EPHX2: variants seen among roughly 807,000 people sequenced by gnomAD.
The protein encoded by EPHX2 is bifunctional epoxide hydrolase 2.
A neutral mutation model predicts 78.7 loss-of-function variants in EPHX2; 74 were observed. The observed-to-expected ratio is 0.94, with a 90% confidence interval of 0.78 to 1.14. EPHX2 has a LOEUF of 1.14. Ranked by LOEUF, EPHX2 falls within the 50% of genes most tolerant of loss-of-function variation. The pLI is 0.00. For missense variants in EPHX2, 715 were observed against 702.5 expected, an observed-to-expected ratio of 1.02 and a Z score of -0.20; for synonymous variants, 251 against 255.2, an observed-to-expected ratio of 0.98 and a Z score of 0.16.
At chr8:27,500,133 G>GATTACATTA (rs1224786830) in intron 1 of EPHX2, among the ~76,000 whole-genome samples, 9 of 152,322 alleles carry the variant, frequency 5.9e-5, no homozygotes, top group African/African-American at 2.2e-4. Flanking sequence ...TAATGTTGGA[G>GATTACATTA]GAGGGGGTTG....
chr8:27,492,247 G>A (rs997039447), intron 1 of EPHX2, among the ~76,000 whole-genome samples: 55 of 152,332 alleles, frequency 3.6e-4, no homozygotes, highest in African/African-American at 1.3e-3. Flanking sequence ...TGAGGGAAAG[G>A]CATGTAATCT....
intron 1 of EPHX2, among the ~76,000 whole-genome samples, chr8:27,498,986 T>G (rs934332308): frequency 6.6e-6 from 1 of 152,152 alleles, no homozygotes; most frequent in Non-Finnish European, 1.5e-5. Flanking sequence ...ATTCCAAGGT[T>G]GAGGGGTTGC....
At chr8:27,548,019 ATTCTCTCTC>A (rs1209942961), downstream of EPHX2, among the ~76,000 whole-genome samples, 10 of 152,188 alleles carry the variant, frequency 6.6e-5, no homozygotes, top group Non-Finnish European at 2.9e-5. Flanking sequence ...CAGTCTTCAT[ATTCTCTCTC>A]ACACCCTCCA....
At position 27,541,159 on chromosome 8, in the gene EPHX2, C is replaced by T. The variant is rs570759641; in HGVS notation, c.1380-314C>T. Among the ~76,000 whole-genome samples, 7 of 152,278 alleles carry T rather than the reference C, an allele frequency of 4.6e-5. No homozygotes were observed. In the East Asian group the frequency reaches 1.4e-3, roughly 29 times the overall value. On this transcript the variant is annotated intron_variant, in intron 15 of 18. Coordinates refer to ENST00000521400, the MANE Select transcript of EPHX2 (RefSeq NM_001979.6). ...CCAAGTTCCCCACCATCAGCAACCTCCCCAGCCTCCAAGGTGACACGATGA... is the reference window on the plus strand; with the variant it reads ...CCAAGTTCCCCACCATCAGCAACCTTCCCAGCCTCCAAGGTGACACGATGA...
intron 14 of EPHX2, 166 bp downstream of exon 14, chr8:27,538,858 C>A: frequency 2.9e-6 from 2 of 684,658 alleles, no homozygotes; most frequent in Admixed American, 4.6e-5. Context: ...TAACCCCAGG[C>A]CTGAGCACAC....
chr8:27,501,141 G>C lies in EPHX2; in HGVS notation c.186+131G>C, dbSNP rs549525320. 143 of 693,688 alleles carry C rather than the reference G, an allele frequency of 2.1e-4. 4 individuals are homozygous for C. Among genetic ancestry groups the C allele is most frequent in the Middle Eastern group, 1.2e-3 (3 of 2,578 alleles). The allele number at this position is 693,688 out of a possible 1,614,324, so 43.0% of individuals were successfully genotyped here. On this transcript the variant is annotated intron_variant, in intron 2 of 18. Coordinates refer to ENST00000521400, the MANE Select transcript of EPHX2 (RefSeq NM_001979.6). ...TGTGAAGACAAATGTTGTTTTAATG[G>C]TATTAATGGGAGTATTGCAGTCACC...
intron 12 of EPHX2, among the ~76,000 whole-genome samples, chr8:27,533,249 C>T (rs1039301016): frequency 1.3e-5 from 2 of 152,138 alleles, no homozygotes; most frequent in African/African-American, 2.4e-5. Flanking sequence ...ATGAGGAAAC[C>T]GAGGCTCTAG....
At position 27,515,473 on chromosome 8, in the gene EPHX2, T is replaced by C. The variant is rs1585200869; in HGVS notation, c.736-245T>C. On this transcript the variant is annotated intron_variant, in intron 6 of 18. Transcript: ENST00000521400. Reference sequence around the variant, plus strand: ...TGTGTTGTTTTGTTTTATTTTGTTTTCCAACATCATAATCTTTGCAGAATT... The same window carrying C: ...TGTGTTGTTTTGTTTTATTTTGTTTCCCAACATCATAATCTTTGCAGAATT... 1.2e-5 allele frequency: 6 copies of C among 504,572 alleles called. No individual in the cohort carries two copies. The East Asian group carries it at 2.0e-4, about 17-fold the overall frequency. 31.3% of individuals were successfully genotyped at this position (504,572 alleles called of 1,614,324 possible).
intron 15 of EPHX2, among the ~76,000 whole-genome samples, 173 bp downstream of exon 15, chr8:27,540,829 T>A (rs946148508): frequency 6.6e-6 from 1 of 152,210 alleles, no homozygotes; most frequent in African/African-American, 2.4e-5. Context: ...TTTATGGTGC[T>A]CAGCCTGCTC....
intron 6 of EPHX2, 24 bp downstream of exon 6, chr8:27,511,934 C>A (rs937151429): frequency 9.3e-6 from 15 of 1,611,034 alleles, no homozygotes; most frequent in African/African-American, 8.0e-5. Context: ...GTCTCTCAGT[C>A]GGCTAAGTGC....
At chr8:27,548,040 C>T (rs1202037865), downstream of EPHX2, among the ~76,000 whole-genome samples, 1 of 152,192 alleles carries the variant, frequency 6.6e-6, no homozygotes, top group Admixed American at 6.5e-5. Flanking sequence ...CACCCTCCAG[C>T]AGTGGGTTGT....
chr8:27,526,924 G>T (rs989121401), intron 12 of EPHX2, among the ~76,000 whole-genome samples: 1 of 151,976 alleles, frequency 6.6e-6, no homozygotes, highest in Non-Finnish European at 1.5e-5. Context: ...CTCACTTTTT[G>T]TGTGTGTATT....
intron 13 of EPHX2, 150 bp downstream of exon 13, chr8:27,537,005 G>A: frequency 1.4e-6 from 1 of 716,310 alleles, no homozygotes. Flanking sequence ...CACTCTACTG[G>A]GAAAATTTAC....
chr8:27,503,368 C>T (rs1382453179), intron 2 of EPHX2, among the ~76,000 whole-genome samples: 1 of 152,112 alleles, frequency 6.6e-6, no homozygotes, highest in Non-Finnish European at 1.5e-5. Context: ...TACAATCTAT[C>T]CATTCTGCTG....
At chr8:27,507,574 C>T (rs1250122089) in intron 5 of EPHX2, among the ~76,000 whole-genome samples, 1 of 152,170 alleles carries the variant, frequency 6.6e-6, no homozygotes, top group African/African-American at 2.4e-5. Flanking sequence ...AAGTGCAGCA[C>T]CCTCATCCTG....
chr8:27,526,385 C>T (rs1257359417), intron 12 of EPHX2, among the ~76,000 whole-genome samples: 1 of 152,256 alleles, frequency 6.6e-6, no homozygotes, highest in Non-Finnish European at 1.5e-5. Context: ...CGACATGTCG[C>T]ATCCCACATA....
At chr8:27,522,384 G>A in intron 10 of EPHX2, 39 bp from the exon 11 acceptor site, 1 of 1,605,952 alleles carries the variant, frequency 6.2e-7, no homozygotes, top group Non-Finnish European at 8.5e-7. Flanking sequence ...CGTTCCAGAA[G>A]CCTCCCCACA....
chr8:27,525,110 G>A (rs1273277216), intron 11 of EPHX2, among the ~76,000 whole-genome samples: 14 of 136,972 alleles, frequency 1.0e-4, no homozygotes, highest in Middle Eastern at 4.0e-3. Context: ...GTGTGTGTGC[G>A]CGCGCGCGCG....
At chr8:27,515,193 C>T (rs545095885) in intron 6 of EPHX2, among the ~76,000 whole-genome samples, 14 of 152,006 alleles carry the variant, frequency 9.2e-5, no homozygotes, top group Admixed American at 1.3e-4. Context: ...CCCTGTTCCC[C>T]GTTTTTTTCC....
Sources: gnomAD v4.1 joint callset for allele counts (sites outside exome capture counted in the v4.1 genomes callset) on GRCh38, gnomAD v4.1.1 for gene constraint, MANE v1.5 for transcripts, NCBI Gene and HGNC (gene_info 2026-07-23, HGNC 2026-07-21) for gene names.